ATG2B: variants seen among roughly 807,000 people sequenced by gnomAD.
ATG2B encodes autophagy related 2B, also known as autophagy-related protein 2 homolog B.
Under a neutral mutation model 241.3 loss-of-function variants are expected in ATG2B, and 121 were observed. The ratio of observed to expected loss-of-function variants is 0.50; its 90% CI spans 0.43 to 0.58. The LOEUF is 0.58. Among genes scored for constraint, ATG2B ranks in the 20% least tolerant of loss-of-function variants. ATG2B has a pLI of 0.00. For missense variants in ATG2B, 2,306 were observed against 2,491.6 expected (o/e 0.93, Z 1.59); for synonymous variants, 858 against 876.6 (o/e 0.98, Z 0.37).
rs1469111384 is a variant in ATG2B at position 96,289,261 on chromosome 14, A to G, written c.6006+395T>C. On this transcript the variant is annotated intron_variant, in intron 41 of 41. Coordinates refer to ENST00000359933, the MANE Select transcript of ATG2B (RefSeq NM_018036.7). This position sits in a 1 kb window ranked among gnomAD's most constrained non-coding sequence, Gnocchi z 4.3. ...CAAAAAAATATGTTCCACGTTCAGC[A>G]TAGTGAAGGCATGGGAATAGGATCA... is the stretch of plus-strand genomic sequence containing the variant. Among the ~76,000 whole-genome samples the G allele has an allele frequency of 1.3e-5, 2 of 152,256 alleles. No homozygotes were observed. Among genetic ancestry groups the G allele is most frequent in the Non-Finnish European group, 2.9e-5 (2 of 68,042 alleles).
intron 19 of ATG2B, 48 bp from the exon 20 acceptor site, chr14:96,317,365 G>A: frequency 2.0e-6 from 3 of 1,476,178 alleles, no homozygotes; most frequent in African/African-American, 1.4e-5. Context: ...TATTAAAACA[G>A]CAACATAAAA....
chr14:96,362,039 G>A (rs1566739210), intron 1 of ATG2B, among the ~76,000 whole-genome samples: 1 of 152,124 alleles, frequency 6.6e-6, no homozygotes, highest in Non-Finnish European at 1.5e-5. Flanking sequence ...GACTGCATGT[G>A]GTGAGTCGAA....
intron 27 of ATG2B, 124 bp from the exon 28 acceptor site, chr14:96,311,411 T>A: frequency 8.4e-7 from 1 of 1,189,990 alleles, no homozygotes; most frequent in Non-Finnish European, 1.2e-6. Context: ...AAAAAGTATT[T>A]AAATAAATCC....
At chr14:96,300,843 C>A (rs770321108) in intron 34 of ATG2B, among the ~76,000 whole-genome samples, 1 of 152,178 alleles carries the variant, frequency 6.6e-6, no homozygotes, top group Admixed American at 6.5e-5. Context: ...TCTAAGACAG[C>A]GCCTATTTTT....
chr14:96,311,248 C>A lies in ATG2B; in HGVS notation c.4030G>T (p.Val1344Phe). Residue 1344 changes from valine (V) to phenylalanine (F), a missense_variant, in exon 28 of 42, where the codon GTC (valine) becomes TTC (phenylalanine). Coordinates refer to ENST00000359933, the MANE Select transcript of ATG2B (RefSeq NM_018036.7). Reference sequence around the variant, plus strand: ...GAGTCTGAGCACGTTCTGATATGGACAACATCGCTGGAACAGTGTAACTCA... The same window carrying A: ...GAGTCTGAGCACGTTCTGATATGGAAAACATCGCTGGAACAGTGTAACTCA... The part of the protein sequence containing the change: ...RFELHCSSDV[V>F]HIRTCSDSCA... The A allele has an allele frequency of 6.2e-7, 1 of 1,613,934 alleles. No homozygotes were observed. The highest frequency in any genetic ancestry group is 1.3e-5 in the African/African-American group (1 of 75,004).
Position 96,316,665 on chromosome 14 carries a change from A to G in ATG2B, c.3229T>C (p.Leu1077=), listed in dbSNP as rs1307567890. ...TDVKQDNGDL[L]ENKHGEFWLE... ...CAGAATTCACCATGCTTGTTTTCCA[A>G]CAGATCTCCATTATCTTGCTAGTAA... The change falls in exon 21 of 42, where the codon TTG becomes CTG. Residue 1077 remains leucine (L), a synonymous_variant. Coordinates refer to ENST00000359933, the MANE Select transcript of ATG2B (RefSeq NM_018036.7). The G allele has an allele frequency of 2.5e-6, 4 of 1,609,618 alleles. No individual in the cohort carries two copies.
chr14:96,308,139 T>A (rs1887004374), intron 29 of ATG2B, among the ~76,000 whole-genome samples: 1 of 146,434 alleles, frequency 6.8e-6, no homozygotes, highest in South Asian at 2.2e-4. Context: ...GGTAGCTGCA[T>A]ATATACATAT....
intron 35 of ATG2B, 79 bp downstream of exon 35, chr14:96,295,403 C>G: frequency 9.8e-7 from 1 of 1,020,882 alleles, no homozygotes; most frequent in Non-Finnish European, 1.4e-6. Context: ...ATTGTAAGTA[C>G]ATTCTCAAAA....
intron 6 of ATG2B, among the ~76,000 whole-genome samples, chr14:96,339,895 A>C (rs1008062298): frequency 6.6e-6 from 1 of 151,662 alleles, no homozygotes; most frequent in African/African-American, 2.4e-5. Flanking sequence ...AAAAGAAAAC[A>C]AAGGGACAAC....
intron 8 of ATG2B, 114 bp from the exon 9 acceptor site, chr14:96,332,769 G>A (rs749399315): frequency 3.7e-5 from 28 of 758,030 alleles, no homozygotes; most frequent in South Asian, 2.8e-4. Flanking sequence ...GAGATACAGC[G>A]ATGCCCCAAA....
chr14:96,324,853 TAAAACCGAGAGAGAAAA>T (rs1323181600), intron 15 of ATG2B, among the ~76,000 whole-genome samples: 1 of 151,888 alleles, frequency 6.6e-6, no homozygotes, highest in Admixed American at 6.6e-5. Flanking sequence ...TTAAGATACG[TAAAACCGAGAGAGAAAA>T]GAAGGGGAAC....
intron 1 of ATG2B, among the ~76,000 whole-genome samples, chr14:96,353,143 T>C (rs73363294): frequency 0.041 from 6,183 of 152,286 alleles, 413 homozygotes; most frequent in African/African-American, 0.14. Context: ...AGCAATAGGC[T>C]GTACCCTATA....
chr14:96,312,985 T>C, intron 25 of ATG2B, 80 bp downstream of exon 25: 5 of 898,812 alleles, frequency 5.6e-6, no homozygotes, highest in African/African-American at 1.7e-5. Flanking sequence ...ATTGAGACTT[T>C]AATAAAATGG....
intron 1 of ATG2B, among the ~76,000 whole-genome samples, chr14:96,351,570 T>C (rs1297239163): frequency 1.3e-5 from 2 of 152,080 alleles, no homozygotes; most frequent in Admixed American, 6.6e-5. Flanking sequence ...ACCCTGTCTC[T>C]ACTAAAAGTA....
chr14:96,310,995 G>A lies in ATG2B; in HGVS notation c.4161+122C>T, dbSNP rs1887137208. On this transcript the variant is annotated intron_variant, in intron 28 of 41. Transcript: ENST00000359933. The stretch of plus-strand genomic sequence containing the variant: ...CGTTTCAGACCCCATTATTCTGAAG[G>A]TAAAGAACAGATGAATGACTTTCAA... The A allele has an allele frequency of 4.6e-6, 4 of 874,288 alleles. No individual in the cohort carries two copies. In the Admixed American group the frequency reaches 8.8e-5, roughly 19 times the overall value. 54.2% of individuals were successfully genotyped at this position (874,288 alleles called of 1,614,324 possible).
rs1887526770 is a variant in ATG2B, at chr14:96,324,008, A to AG, written c.2438-11_2438-10insC. 6.4e-7 allele frequency: 1 copy of AG among 1,564,110 alleles called. No individual in the cohort carries two copies. The highest frequency in any genetic ancestry group is 1.4e-5 in the African/African-American group (1 of 72,554). ...TCTTCCTGGAACGATCCTAAAAAAA[A>AG]AGACTGATTTACTGAAATGTGCTTC... On this transcript the variant is annotated splice_polypyrimidine_tract_variant and intron_variant, in intron 15 of 41. Transcript: ENST00000359933.
At chr14:96,292,740 T>C (rs965924296) in intron 36 of ATG2B, among the ~76,000 whole-genome samples, 1 of 152,218 alleles carries the variant, frequency 6.6e-6, no homozygotes, top group Non-Finnish European at 1.5e-5. Flanking sequence ...AACAGAATTA[T>C]CGACAAACAA....
At chr14:96,357,684 G>GTT (rs140990320) in intron 1 of ATG2B, among the ~76,000 whole-genome samples, 42 of 145,664 alleles carry the variant, frequency 2.9e-4, no homozygotes, top group East Asian at 1.2e-3. Context: ...TTTTTTCATA[G>GTT]TTTTTTTTTT....
intron 41 of ATG2B, among the ~76,000 whole-genome samples, chr14:96,288,927 C>T (rs2139834560): frequency 6.6e-6 from 1 of 151,874 alleles, no homozygotes; most frequent in South Asian, 2.1e-4. Flanking sequence ...ATTTCTTGTA[C>T]ATATGAACAA....
Sources: allele counts gnomAD v4.1 joint callset (sites outside exome capture counted in the v4.1 genomes callset), GRCh38; gene constraint gnomAD v4.1.1; non-coding constraint Gnocchi (gnomAD v3.1); transcripts MANE v1.5; gene names NCBI Gene and HGNC (gene_info 2026-07-23, HGNC 2026-07-21).